MRPS6: variants seen among roughly 807,000 people sequenced by gnomAD.
MRPS6 encodes small ribosomal subunit protein bS6m.
In MRPS6, 6 loss-of-function variants were observed where a neutral mutation model predicts 13.1. The ratio of observed to expected loss-of-function variants is 0.46; its 90% CI spans 0.25 to 0.91. The LOEUF (loss-of-function observed/expected upper bound fraction) is 0.91, where lower values mean the gene tolerates loss of function less well. Ranked by LOEUF, MRPS6 falls within the 40% of genes least tolerant of loss-of-function variation. The probability of loss-of-function intolerance (pLI) is 0.18; values close to 1 mark genes in which losing one functional copy is unlikely to be tolerated. For missense variants in MRPS6, 164 were observed against 155.6 expected, an observed-to-expected ratio of 1.05 and a Z score of -0.29; for synonymous variants, 61 against 56.5, an observed-to-expected ratio of 1.08 and a Z score of -0.36.
chr21:34,104,601 C>T (rs905215705), intron 1 of MRPS6: 1 of 999,940 alleles, frequency 1.0e-6, no homozygotes, highest in Non-Finnish European at 1.2e-6. Flanking sequence ...AAGAGTTAAC[C>T]TGAACACTTT....
chr21:34,096,268 A>G lies in MRPS6; in HGVS notation c.45+22523A>G. On this transcript the variant is annotated intron_variant, in intron 1 of 2. Transcript: ENST00000399312. This position sits in a 1 kb window ranked among gnomAD's most constrained non-coding sequence, Gnocchi z 5.9. ...ATTGCTTACCCACGCCTGGTGATGA[A>G]GCTGGTTCCTGTGGGCCTTCGGGGT... 2 of 1,614,106 alleles carry G rather than the reference A, an allele frequency of 1.2e-6. No individual in the cohort carries two copies. The highest frequency in any genetic ancestry group is 1.7e-6 in the Non-Finnish European group (2 of 1,180,006).
chr21:34,100,672 G>A, intron 1 of MRPS6: 2 of 1,000,184 alleles, frequency 2.0e-6, no homozygotes, highest in Non-Finnish European at 2.4e-6. Context: ...CTGAGTTGAG[G>A]GGGTTGTTAT....
chr21:34,100,391 C>T (rs1388495973), intron 1 of MRPS6: 21 of 1,000,048 alleles, frequency 2.1e-5, no homozygotes, highest in South Asian at 4.7e-5. Context: ...ACACTTGAGC[C>T]GATTTCTTCT....
At chr21:34,103,994 A>G in intron 1 of MRPS6, 1 of 1,000,156 alleles carries the variant, frequency 1.0e-6, no homozygotes, top group Non-Finnish European at 1.2e-6. Flanking sequence ...AAAATCTTAA[A>G]TCTTTTAGGA....
chr21:34,117,218 A>G (rs577393427), intron 1 of MRPS6, among the ~76,000 whole-genome samples: 100 of 152,322 alleles, frequency 6.6e-4, no homozygotes, highest in African/African-American at 2.2e-3. Flanking sequence ...GCTTCTACCT[A>G]TACTAAATTC....
intron 1 of MRPS6, among the ~76,000 whole-genome samples, chr21:34,083,814 T>C (rs1320689691): frequency 1.3e-5 from 2 of 152,206 alleles, no homozygotes; most frequent in African/African-American, 4.8e-5. Context: ...TGTAAGAAGA[T>C]TGAAGAAAAC....
At chr21:34,101,954 A>G in intron 1 of MRPS6, 1 of 1,000,176 alleles carries the variant, frequency 1.0e-6, no homozygotes, top group East Asian at 1.1e-4. Flanking sequence ...TGGAGTTTTG[A>G]TGCCAAAAAG....
intron 1 of MRPS6, among the ~76,000 whole-genome samples, chr21:34,080,316 C>T (rs150120024): frequency 4.7e-4 from 72 of 152,322 alleles, no homozygotes; most frequent in African/African-American, 1.7e-3. Context: ...AAGTCACATC[C>T]AAGGCTGTCT....
intron 2 of MRPS6, among the ~76,000 whole-genome samples, chr21:34,142,120 A>G (rs745612419): frequency 6.6e-6 from 1 of 152,236 alleles, no homozygotes; most frequent in Non-Finnish European, 1.5e-5. Context: ...ACTTCACACC[A>G]TCTGTAATGT....
intron 2 of MRPS6, chr21:34,135,562 G>T (rs1980665664): frequency 2.1e-6 from 1 of 467,008 alleles, no homozygotes; most frequent in Non-Finnish European, 4.3e-6. Context: ...CTCCCGGAGG[G>T]CACCCTCAAG....
intron 1 of MRPS6, among the ~76,000 whole-genome samples, chr21:34,075,235 G>A (rs1989299359): frequency 6.6e-6 from 1 of 152,160 alleles, no homozygotes; most frequent in Non-Finnish European, 1.5e-5. Context: ...TCCTTGTCTT[G>A]GGGAGGTAGC....
chr21:34,103,943 A>G (rs1979360844), intron 1 of MRPS6: 1 of 1,000,144 alleles, frequency 1.0e-6, no homozygotes. Flanking sequence ...CAGGTGACAT[A>G]TTTCTGTTTT....
At chr21:34,107,711 T>C (rs528417704) in intron 1 of MRPS6, among the ~76,000 whole-genome samples, 35 of 152,346 alleles carry the variant, frequency 2.3e-4, no homozygotes, top group Non-Finnish European at 4.6e-4. Flanking sequence ...CTTTGTTCAG[T>C]GAGTTATTAT....
intron 1 of MRPS6, among the ~76,000 whole-genome samples, chr21:34,118,405 C>T (rs1033053673): frequency 4.0e-5 from 6 of 151,772 alleles, no homozygotes; most frequent in African/African-American, 1.5e-4. Flanking sequence ...GAATAAAATT[C>T]GCTTGTAAGT....
chr21:34,125,579 C>A (rs1053465417), intron 2 of MRPS6, 99 bp downstream of exon 2: 65 of 1,519,094 alleles, frequency 4.3e-5, no homozygotes, highest in Admixed American at 1.1e-4. Flanking sequence ...CACATTGAGA[C>A]CCCTGTTGCG....
At chr21:34,106,567 T>C (rs1395055979) in intron 1 of MRPS6, among the ~76,000 whole-genome samples, 4 of 152,250 alleles carry the variant, frequency 2.6e-5, no homozygotes, top group African/African-American at 9.6e-5. Flanking sequence ...AATTTAGGAC[T>C]TGACTTCATC....
intron 1 of MRPS6, among the ~76,000 whole-genome samples, chr21:34,110,065 G>C (rs1182050703): frequency 6.6e-6 from 1 of 152,110 alleles, no homozygotes; most frequent in Non-Finnish European, 1.5e-5. Flanking sequence ...GCCCTTCCCT[G>C]AGATAACATG....
At chr21:34,077,656 CAG>C (rs1989365967) in intron 1 of MRPS6, among the ~76,000 whole-genome samples, 3 of 152,034 alleles carry the variant, frequency 2.0e-5, no homozygotes, top group African/African-American at 7.2e-5. Context: ...TTAAAACAAA[CAG>C]TAATTTTTAT....
intron 2 of MRPS6, among the ~76,000 whole-genome samples, chr21:34,137,638 G>A (rs1015273689): frequency 2.6e-5 from 4 of 152,148 alleles, no homozygotes; most frequent in Non-Finnish European, 4.4e-5. Flanking sequence ...TTGAATAGAA[G>A]TGACAGTGGA....
Sources: allele counts gnomAD v4.1 joint callset (sites outside exome capture counted in the v4.1 genomes callset), GRCh38; gene constraint gnomAD v4.1.1; non-coding constraint Gnocchi (gnomAD v3.1); transcripts MANE v1.5; gene names NCBI Gene and HGNC (gene_info 2026-07-23, HGNC 2026-07-21).